FAM107A: variants seen among roughly 807,000 people sequenced by gnomAD.
FAM107A encodes the protein family with sequence similarity 107 member A, also known as actin-associated protein FAM107A.
Under a neutral mutation model 13.7 loss-of-function variants are expected in FAM107A, and 19 were observed. The observed-to-expected ratio is 1.38, with a 90% CI of 0.97 to 2.03. The LOEUF (loss-of-function observed/expected upper bound fraction) is 2.03, where lower values mean the gene tolerates loss of function less well. FAM107A is among the 30% of genes most tolerant of loss of function. The pLI is 0.00. For synonymous variants in FAM107A, 82 were observed against 74.5 expected, an observed-to-expected ratio of 1.10 and a Z score of -0.52; for missense variants, 203 against 184.4, an observed-to-expected ratio of 1.10 and a Z score of -0.58.
intron 1 of FAM107A, among the ~76,000 whole-genome samples, chr3:58,583,042 AC>A (rs1028578951): frequency 2.0e-5 from 3 of 152,114 alleles, no homozygotes; most frequent in Non-Finnish European, 2.9e-5. Flanking sequence ...CAAGTGATCC[AC>A]CTGCCTTGGC....
intron 1 of FAM107A, among the ~76,000 whole-genome samples, chr3:58,602,985 C>T (rs2065765051): frequency 2.0e-5 from 3 of 152,136 alleles, no homozygotes; most frequent in African/African-American, 7.2e-5. Context: ...AAAATGTCCC[C>T]AGTGATTATA....
At chr3:58,576,561 G>T (rs941637014) in intron 1 of FAM107A, among the ~76,000 whole-genome samples, 1 of 152,220 alleles carries the variant, frequency 6.6e-6, no homozygotes, top group Non-Finnish European at 1.5e-5. Flanking sequence ...AGATGCAGGC[G>T]TGGGGGCTGC....
rs1238604273 is a variant in FAM107A at position 58,575,584 on chromosome 3, TC to T, written c.-6+1724del. Among the ~76,000 whole-genome samples the T allele has an allele frequency of 1.6e-4, 25 of 152,302 alleles. No individual in the cohort carries two copies. In the East Asian group the frequency reaches 3.7e-3, roughly 22 times the overall value. On this transcript the variant is annotated intron_variant, in intron 1 of 3. Transcript: ENST00000360997. ...CTTGGACGCCAAATTCAATGCTCTTTCTACCTCTCCACTGTCTTCAAGGTGC... is the reference window on the plus strand; with the variant it reads ...CTTGGACGCCAAATTCAATGCTCTTTTACCTCTCCACTGTCTTCAAGGTGC...
chr3:58,627,262 C>T (rs1214796137), intron 1 of FAM107A: 20 of 501,810 alleles, frequency 4.0e-5, no homozygotes, highest in Non-Finnish European at 5.7e-5. Context: ...CCTGCAGCTC[C>T]TCACCTCCCA....
At chr3:58,583,827 T>C (rs912645571) in intron 1 of FAM107A, among the ~76,000 whole-genome samples, 3 of 152,002 alleles carry the variant, frequency 2.0e-5, no homozygotes, top group Non-Finnish European at 2.9e-5. Context: ...ACCACAGGCA[T>C]GCACCACCAT....
At chr3:58,623,251 T>C (rs2065975713) in intron 1 of FAM107A, among the ~76,000 whole-genome samples, 1 of 152,230 alleles carries the variant, frequency 6.6e-6, no homozygotes, top group African/African-American at 2.4e-5. Context: ...TCAAGGCAAC[T>C]TTCTCTTAAT....
upstream of FAM107A, among the ~76,000 whole-genome samples, chr3:58,587,967 TCA>T (rs1308969207): frequency 2.6e-5 from 4 of 152,170 alleles, no homozygotes; most frequent in Non-Finnish European, 5.9e-5. Context: ...TTCTCTGAAG[TCA>T]CACAGTGTAG....
intron 1 of FAM107A, among the ~76,000 whole-genome samples, chr3:58,620,121 T>C (rs2108085890): frequency 6.6e-6 from 1 of 152,306 alleles, no homozygotes; most frequent in African/African-American, 2.4e-5. Context: ...TATGTCACAA[T>C]GGTAAACCAA....
intron 1 of FAM107A, among the ~76,000 whole-genome samples, chr3:58,605,187 G>C (rs1420445084): frequency 6.6e-6 from 1 of 152,174 alleles, no homozygotes; most frequent in African/African-American, 2.4e-5. Context: ...GTCTCAGCTT[G>C]ATGTCTAGGA....
rs75715983 is a variant in FAM107A, at chr3:58,606,604, C to T, written c.-69-17335G>A. Among the ~76,000 whole-genome samples, 1,097 of 152,314 alleles carry T rather than the reference C, an allele frequency of 7.2e-3. 16 individuals are homozygous for T. Among genetic ancestry groups the T allele is most frequent in the African/African-American group, 0.024 (1,011 of 41,566 alleles). ...ATCTGGACGTGTGAATACAAGAGGC[C>T]CTGCAGGAGAGAAACCTGTTTAAGT... On this transcript the variant is annotated intron_variant, in intron 1 of 3. Coordinates refer to the FAM107A transcript ENST00000465970.
chr3:58,610,260 C>G (rs1300036444), intron 1 of FAM107A, among the ~76,000 whole-genome samples: 1 of 152,194 alleles, frequency 6.6e-6, no homozygotes, highest in African/African-American at 2.4e-5. Context: ...GATGAGGAAA[C>G]TGAGGCTCAG....
At position 58,627,348 on chromosome 3, in the gene FAM107A, C is replaced by A. The variant is rs138469102; in HGVS notation, c.-70+68G>T. The A allele has an allele frequency of 3.1e-3, 936 of 305,836 alleles. 13 individuals carry two copies. The highest frequency in any genetic ancestry group is 0.018 in the African/African-American group (867 of 46,900). The allele number at this position is 305,836 out of a possible 1,614,324, so 18.9% of individuals were successfully genotyped here. A position where few individuals can be genotyped will look rare whatever the true frequency, so the allele number is the denominator to read the frequency against. ...AAGACGTGGGGCAGTCCTCTCATCA[C>A]ACACCGGTAGCTCAGGCGCGGCGGG... On this transcript the variant is annotated intron_variant, in intron 1 of 3. Transcript: ENST00000465970.
chr3:58,567,117 T>G, intron 3 of FAM107A, 91 bp downstream of exon 3: 2 of 1,466,224 alleles, frequency 1.4e-6, no homozygotes, highest in Non-Finnish European at 1.9e-6. Flanking sequence ...GCTGATCCTC[T>G]TCCCTCTTAC....
At chr3:58,620,135 T>C (rs2065939318) in intron 1 of FAM107A, among the ~76,000 whole-genome samples, 2 of 152,156 alleles carry the variant, frequency 1.3e-5, no homozygotes, top group South Asian at 2.1e-4. Context: ...AAACCAAAAA[T>C]CAAACGGCCT....
rs1395341430 is a variant in FAM107A, at chr3:58,569,204, C to G, written c.170+487G>C. ...GCACCCACCTCCGGCCTGGCTAACTCCAGTCCCCCTTCAGGTCATAGCTGA... is the reference window on the plus strand; with the variant it reads ...GCACCCACCTCCGGCCTGGCTAACTGCAGTCCCCCTTCAGGTCATAGCTGA... On this transcript the variant is annotated intron_variant, in intron 2 of 3. Transcript: ENST00000360997. This position sits in a 1 kb window ranked among gnomAD's most constrained non-coding sequence, Gnocchi z 5.7. 6.6e-6 allele frequency among the ~76,000 whole-genome samples: 1 copy of G among 152,176 alleles called. No individual in the cohort carries two copies. Among genetic ancestry groups the G allele is most frequent in the Non-Finnish European group, 1.5e-5 (1 of 68,028 alleles).
At chr3:58,626,626 TC>T (rs2066020522) in intron 1 of FAM107A, among the ~76,000 whole-genome samples, 1 of 152,170 alleles carries the variant, frequency 6.6e-6, no homozygotes, top group Non-Finnish European at 1.5e-5. Flanking sequence ...AATTTTAAGA[TC>T]TTTCCCCTGT....
Position 58,566,485 on chromosome 3 carries a change from C to CA in FAM107A, c.*102dup. The CA allele has an allele frequency of 1.2e-6, 1 of 808,596 alleles. No homozygotes were observed. Among genetic ancestry groups the CA allele is most frequent in the African/African-American group, 1.7e-5 (1 of 58,460 alleles). The allele number at this position is 808,596 out of a possible 1,614,324, so 50.1% of individuals were successfully genotyped here. ...TTTCTACAGAAGCAGGTGGGAACAT[C>CA]ACAGACGTCCCAGGGCCTGGGGCCC... On this transcript the variant is annotated 3_prime_UTR_variant, in exon 4 of 4. Coordinates refer to ENST00000360997, the MANE Select transcript of FAM107A (RefSeq NM_001076778.3).
intron 1 of FAM107A, among the ~76,000 whole-genome samples, chr3:58,583,412 C>A (rs927405137): frequency 5.9e-5 from 9 of 152,146 alleles, no homozygotes; most frequent in African/African-American, 2.2e-4. Context: ...GACCTCAGGT[C>A]AGGAGTTCGA....
chr3:58,589,193 G>A (rs779656895), upstream of FAM107A: 28 of 1,514,284 alleles, frequency 1.8e-5, no homozygotes, highest in South Asian at 6.0e-5. Context: ...GAATTCTAGC[G>A]GGTCTGACTT....
Sources: gnomAD v4.1 joint callset for allele counts (sites outside exome capture counted in the v4.1 genomes callset) on GRCh38, gnomAD v4.1.1 for gene constraint, Gnocchi (gnomAD v3.1) non-coding constraint, MANE v1.5 for transcripts, NCBI Gene and HGNC (gene_info 2026-07-23, HGNC 2026-07-21) for gene names.